The following STPG4 variants were observed in gnomAD, a reference collection of about 807,000 sequenced individuals.
STPG4 encodes the protein protein STPG4.
A neutral mutation model predicts 31.5 loss-of-function variants in STPG4; 41 were observed. The ratio of observed to expected loss-of-function variants is 1.30; its 90% confidence interval spans 1.01 to 1.69. The LOEUF (loss-of-function observed/expected upper bound fraction) is 1.69. STPG4 is among the 40% of genes most tolerant of loss of function. The pLI, the probability that STPG4 is intolerant of heterozygous loss-of-function variation, is 0.00. For synonymous variants in STPG4, 141 were observed against 103.0 expected, an observed-to-expected ratio of 1.37 and a Z score of -2.24; for missense variants, 375 against 293.4, an observed-to-expected ratio of 1.28 and a Z score of -2.03.
intron 5 of STPG4, among the ~76,000 whole-genome samples, chr2:47,107,256 C>T (rs1247735206): frequency 6.6e-6 from 1 of 152,104 alleles, no homozygotes; most frequent in Non-Finnish European, 1.5e-5. Context: ...AGCCGGCTCC[C>T]TCAGCTTGCA....
chr2:47,095,818 G>A (rs1054731442), intron 5 of STPG4, among the ~76,000 whole-genome samples: 3 of 152,136 alleles, frequency 2.0e-5, no homozygotes, highest in Non-Finnish European at 4.4e-5. Flanking sequence ...CTAATCCTGC[G>A]CCAACAGGAT....
intron 5 of STPG4, among the ~76,000 whole-genome samples, chr2:47,107,857 T>C (rs1228740699): frequency 6.6e-6 from 1 of 152,072 alleles, no homozygotes; most frequent in Non-Finnish European, 1.5e-5. Flanking sequence ...ACCCTGTGTC[T>C]AGCTCAGGGT....
intron 2 of STPG4, 72 bp downstream of exon 2, chr2:47,152,885 A>C: frequency 8.9e-7 from 1 of 1,119,400 alleles, no homozygotes; most frequent in Non-Finnish European, 1.3e-6. Context: ...GTTAGTCTTA[A>C]AAGCTATAAT....
chr2:47,132,845 A>C (rs1250444452), intron 3 of STPG4, among the ~76,000 whole-genome samples: 2 of 152,212 alleles, frequency 1.3e-5, no homozygotes, highest in Non-Finnish European at 1.5e-5. Context: ...AAACCTCTTA[A>C]AGCAGTCATT....
intron 5 of STPG4, among the ~76,000 whole-genome samples, chr2:47,127,506 C>T (rs1267866852): frequency 6.6e-6 from 1 of 151,990 alleles, no homozygotes; most frequent in African/African-American, 2.4e-5. Flanking sequence ...TGGCCTCAAG[C>T]CGTCTGCCTG....
At chr2:47,154,846 G>A (rs145271798) in intron 1 of STPG4, among the ~76,000 whole-genome samples, 160 of 152,278 alleles carry the variant, frequency 1.1e-3, no homozygotes, top group Middle Eastern at 6.8e-3. Context: ...CAGATGGAGC[G>A]GAAAGGGAAA....
chr2:47,094,203 G>C (rs967836678), intron 5 of STPG4, among the ~76,000 whole-genome samples: 1 of 152,090 alleles, frequency 6.6e-6, no homozygotes, highest in Non-Finnish European at 1.5e-5. Context: ...AAATCAAATG[G>C]GCCATTTCTT....
chr2:47,113,286 G>A lies in STPG4; in HGVS notation c.519+16655C>T, dbSNP rs183279399. On this transcript the variant is annotated intron_variant, in intron 5 of 6. Coordinates refer to ENST00000445927, the MANE Select transcript of STPG4 (RefSeq NM_001163561.2). The stretch of plus-strand genomic sequence containing the variant: ...AAACTTCTGTATAAATAAAATACAA[G>A]CAAAAGGAAAAATCCCTGAAAAACT... Among the ~76,000 whole-genome samples, 380 of 152,142 alleles carry A rather than the reference G, an allele frequency of 2.5e-3. 1 individual carries two copies. The highest frequency in any genetic ancestry group is 4.3e-3 in the Non-Finnish European group (293 of 67,972).
At chr2:47,119,757 G>A (rs577267596) in intron 5 of STPG4, among the ~76,000 whole-genome samples, 1 of 152,322 alleles carries the variant, frequency 6.6e-6, no homozygotes, top group African/African-American at 2.4e-5. Context: ...AGTAGAAAAC[G>A]GGAAGGCATT....
chr2:47,121,541 C>A (rs1353385593), intron 5 of STPG4, among the ~76,000 whole-genome samples: 2 of 152,182 alleles, frequency 1.3e-5, no homozygotes, highest in African/African-American at 4.8e-5. Flanking sequence ...CCTTATCCCA[C>A]CCATCCAGTA....
intron 5 of STPG4, among the ~76,000 whole-genome samples, chr2:47,110,340 TC>T (rs1321173598): frequency 1.3e-5 from 2 of 152,216 alleles, no homozygotes; most frequent in Non-Finnish European, 2.9e-5. Context: ...ACGCCTGTAA[TC>T]CCAGCACTTT....
At chr2:47,094,397 G>C (rs967887378) in intron 5 of STPG4, among the ~76,000 whole-genome samples, 5 of 152,076 alleles carry the variant, frequency 3.3e-5, no homozygotes, top group African/African-American at 1.2e-4. Context: ...CCTCAGCTCT[G>C]GTACATGATT....
chr2:47,152,454 G>T (rs1029681446), intron 2 of STPG4, among the ~76,000 whole-genome samples: 2 of 152,140 alleles, frequency 1.3e-5, no homozygotes, highest in Non-Finnish European at 2.9e-5. Flanking sequence ...GACCCATGAA[G>T]TCCCTCTATT....
chr2:47,139,656 G>T (rs944038383), intron 3 of STPG4, among the ~76,000 whole-genome samples: 1 of 151,820 alleles, frequency 6.6e-6, no homozygotes, highest in African/African-American at 2.4e-5. Context: ...TAGATCTCAC[G>T]AATCAGATCC....
intron 1 of STPG4, among the ~76,000 whole-genome samples, chr2:47,154,844 G>C (rs530093035): frequency 6.6e-6 from 1 of 152,326 alleles, no homozygotes; most frequent in East Asian, 1.9e-4. Context: ...GGCAGATGGA[G>C]CGGAAAGGGA....
chr2:47,115,121 T>C (rs371815267), intron 5 of STPG4, among the ~76,000 whole-genome samples: 27 of 152,206 alleles, frequency 1.8e-4, no homozygotes, highest in African/African-American at 6.0e-4. Flanking sequence ...TAGTGCCTCA[T>C]TTTTTTTCAC....
intron 5 of STPG4, among the ~76,000 whole-genome samples, chr2:47,127,920 T>G (rs896619107): frequency 6.6e-6 from 1 of 152,160 alleles, no homozygotes; most frequent in Non-Finnish European, 1.5e-5. Context: ...CTGGGCATTG[T>G]AGAGTTAGGT....
chr2:47,104,760 G>C (rs959757613), intron 5 of STPG4, among the ~76,000 whole-genome samples: 1 of 151,936 alleles, frequency 6.6e-6, no homozygotes, highest in Non-Finnish European at 1.5e-5. Flanking sequence ...CATGCCAGCA[G>C]GCTACTCTAG....
chr2:47,153,100 G>A (rs1686968970), intron 1 of STPG4, 84 bp from the exon 2 acceptor site: 5 of 1,011,976 alleles, frequency 4.9e-6, no homozygotes, highest in Middle Eastern at 2.4e-4. Context: ...TTTGCTTGAA[G>A]AAATTCACAC....
Sources: gnomAD v4.1 joint callset for allele counts (sites outside exome capture counted in the v4.1 genomes callset) on GRCh38, gnomAD v4.1.1 for gene constraint, MANE v1.5 for transcripts, NCBI Gene and HGNC (gene_info 2026-07-23, HGNC 2026-07-21) for gene names.